The following CSMD3 variants were observed in gnomAD, a reference collection of about 807,000 sequenced individuals.
The protein encoded by CSMD3 is CUB and sushi domain-containing protein 3.
In CSMD3, 177 loss-of-function variants were observed where a neutral mutation model predicts 435.2. The ratio of observed to expected loss-of-function variants is 0.41; its 90% CI spans 0.36 to 0.46. The LOEUF is 0.46. CSMD3 is among the 20% of genes least tolerant of loss of function. CSMD3 has a pLI of 0.34. For missense variants in CSMD3, 4,265 were observed against 4,504.6 expected, an observed-to-expected ratio of 0.95 and a Z score of 1.52; for synonymous variants, 1,656 against 1,520.5, an observed-to-expected ratio of 1.09 and a Z score of -2.07.
intron 40 of CSMD3, among the ~76,000 whole-genome samples, chr8:112,349,604 A>G (rs1057444358): frequency 1.1e-4 from 17 of 152,094 alleles, no homozygotes; most frequent in Non-Finnish European, 2.2e-4. Context: ...ACACCACACA[A>G]TATATTTACA....
intron 2 of CSMD3, among the ~76,000 whole-genome samples, chr8:113,295,787 C>T (rs527405010): frequency 6.6e-6 from 1 of 152,044 alleles, no homozygotes; most frequent in Non-Finnish European, 1.5e-5. Flanking sequence ...CCCAGCCATC[C>T]CATTACTGGG....
chr8:112,667,667 C>T (rs1164012436), intron 16 of CSMD3, among the ~76,000 whole-genome samples: 1 of 152,022 alleles, frequency 6.6e-6, no homozygotes, highest in Non-Finnish European at 1.5e-5. Flanking sequence ...CACTCTGCAG[C>T]CCAGCTACAT....
At chr8:112,296,886 A>G (rs1369266746) in intron 53 of CSMD3, among the ~76,000 whole-genome samples, 1 of 151,954 alleles carries the variant, frequency 6.6e-6, no homozygotes, top group African/African-American at 2.4e-5. Context: ...AATTGTCAAT[A>G]ACAGGAATGA....
chr8:113,075,528 G>A (rs980294455), intron 5 of CSMD3, among the ~76,000 whole-genome samples: 4 of 151,734 alleles, frequency 2.6e-5, no homozygotes, highest in Non-Finnish European at 4.4e-5. Context: ...TGATGCTGAA[G>A]ATCACTATGA....
In CSMD3 at chr8:112,364,949, C is replaced by T. The variant is rs117060803; in HGVS notation, c.6137-12415G>A. Among the ~76,000 whole-genome samples, 536 of 152,130 alleles carry T rather than the reference C, an allele frequency of 3.5e-3. 1 individual carries two copies. Among genetic ancestry groups the T allele is most frequent in the Middle Eastern group, 0.01 (3 of 292 alleles). Reference sequence around the variant, plus strand: ...ATGTGAGAAAAATTTGGGGTAAATTCTATGAATTCAGCACAGCTACATTTG... The same window carrying T: ...ATGTGAGAAAAATTTGGGGTAAATTTTATGAATTCAGCACAGCTACATTTG... On this transcript the variant is annotated intron_variant, in intron 38 of 70. Transcript: ENST00000297405.
At chr8:113,065,861 A>C (rs181891302) in intron 5 of CSMD3, among the ~76,000 whole-genome samples, 2,052 of 152,250 alleles carry the variant, frequency 0.013, 21 homozygotes, top group South Asian at 0.041. Context: ...TAGAATGTAC[A>C]TGATATATTA....
At chr8:112,479,034 A>C (rs1174443149) in intron 31 of CSMD3, among the ~76,000 whole-genome samples, 2 of 151,910 alleles carry the variant, frequency 1.3e-5, no homozygotes, top group Non-Finnish European at 1.5e-5. Context: ...ATTCGTCTTC[A>C]CCCTCCTCAC....
intron 27 of CSMD3, among the ~76,000 whole-genome samples, chr8:112,538,042 C>T (rs946561421): frequency 3.9e-5 from 6 of 151,942 alleles, no homozygotes; most frequent in Admixed American, 6.6e-5. Flanking sequence ...TCAACATATT[C>T]AAATCAGTGA....
At chr8:112,491,871 C>T (rs958985349) in intron 31 of CSMD3, among the ~76,000 whole-genome samples, 4 of 152,144 alleles carry the variant, frequency 2.6e-5, no homozygotes, top group Non-Finnish European at 5.9e-5. Flanking sequence ...TTGTACAATG[C>T]ACTAGGATCA....
chr8:113,228,852 G>A (rs2093055059), intron 3 of CSMD3, among the ~76,000 whole-genome samples: 1 of 151,606 alleles, frequency 6.6e-6, no homozygotes, highest in Admixed American at 6.6e-5. Flanking sequence ...TAGTGAGGCT[G>A]TAGAAATAAC....
chr8:113,153,174 A>AG (rs2091864467), intron 4 of CSMD3, among the ~76,000 whole-genome samples: 1 of 64,848 alleles, frequency 1.5e-5, no homozygotes, highest in East Asian at 5.9e-4. Flanking sequence ...AAGGAAGGAA[A>AG]GAAGGAAGGG....
Position 112,694,038 on chromosome 8 carries a change from ATTTC to A in CSMD3, c.1973-3992_1973-3989del, listed in dbSNP as rs544269804. 4.3e-3 allele frequency among the ~76,000 whole-genome samples: 627 copies of A among 146,236 alleles called. 4 individuals carry two copies. Among genetic ancestry groups the A allele is most frequent in the Admixed American group, 3.9e-3 (56 of 14,340 alleles). On this transcript the variant is annotated intron_variant, in intron 13 of 70. Coordinates refer to ENST00000297405, the MANE Select transcript of CSMD3 (RefSeq NM_198123.2). ...ATATTTAATGACTTTAATGATTGTT[ATTTC>A]TTATTGTTTCATAGTCTTCTTTTTT...
At chr8:112,382,279 G>T (rs1829531651) in intron 37 of CSMD3, among the ~76,000 whole-genome samples, 1 of 108,226 alleles carries the variant, frequency 9.2e-6, no homozygotes. Context: ...GCCAGACCCT[G>T]TCTCTAAAAT....
rs766051907 is a variant in CSMD3, at chr8:112,289,376, G to C, written c.9137C>G (p.Pro3046Arg). 6.2e-7 allele frequency: 1 copy of C among 1,613,054 alleles called. No homozygotes were observed. The highest frequency in any genetic ancestry group is 1.1e-5 in the South Asian group (1 of 91,058). ...QLNGHWSGSQ[P>R]HCSGDATGTC... ...TTTCCAAGTGGTACCTGAACAATGA[G>C]GTTGTGATCCACTCCAATGGCCATT... The change falls in exon 57 of 71, where the codon CCT becomes CGT. Residue 3046 changes from proline to arginine, a missense_variant. Coordinates refer to ENST00000297405, the MANE Select transcript of CSMD3 (RefSeq NM_198123.2).
At position 112,899,599 on chromosome 8, in the gene CSMD3, T is replaced by TTATATATATA. The variant is rs71309794; in HGVS notation, c.1633+22018_1633+22027dup. ...TAACCCAAAATTTTGCTTGTCTATT[T>TTATATATATA]TATATATATATATATATATATATAT... On this transcript the variant is annotated intron_variant, in intron 10 of 70. Transcript: ENST00000297405. Among the ~76,000 whole-genome samples, 267 of 99,950 alleles carry TTATATATATA rather than the reference T, an allele frequency of 2.7e-3. 3 individuals are homozygous for TTATATATATA. The highest frequency in any genetic ancestry group is 3.4e-3 in the Non-Finnish European group (169 of 50,052). The allele number at this position is 99,950 out of a possible 152,430, so 65.6% of individuals were successfully genotyped here. A position where few individuals can be genotyped will look rare whatever the true frequency, so the allele number is the denominator to read the frequency against.
chr8:113,192,267 A>C (rs149956686), intron 3 of CSMD3, among the ~76,000 whole-genome samples: 152 of 151,662 alleles, frequency 1.0e-3, no homozygotes, highest in African/African-American at 3.2e-3. Flanking sequence ...TGAGCTACTT[A>C]TTTCTGTTGC....
intron 10 of CSMD3, among the ~76,000 whole-genome samples, chr8:112,879,403 T>C (rs2081385167): frequency 6.6e-6 from 1 of 152,108 alleles, no homozygotes; most frequent in Admixed American, 6.6e-5. Flanking sequence ...CTAAGATGTT[T>C]ATCAATGACT....
At chr8:112,592,198 A>T (rs764080360) in intron 22 of CSMD3, among the ~76,000 whole-genome samples, 1 of 152,050 alleles carries the variant, frequency 6.6e-6, no homozygotes, top group Non-Finnish European at 1.5e-5. Context: ...AGGCATTTCA[A>T]TAATACTTGG....
At chr8:112,524,576 T>A (rs1366476547) in intron 27 of CSMD3, among the ~76,000 whole-genome samples, 3 of 152,028 alleles carry the variant, frequency 2.0e-5, no homozygotes, top group African/African-American at 7.2e-5. Context: ...GAATAGTAGA[T>A]GTGAACATAG....
Sources: gnomAD v4.1 joint callset for allele counts (sites outside exome capture counted in the v4.1 genomes callset) on GRCh38, gnomAD v4.1.1 for gene constraint, MANE v1.5 for transcripts, NCBI Gene and HGNC (gene_info 2026-07-23, HGNC 2026-07-21) for gene names.